The following ATOSA variants were observed in gnomAD, a reference collection of about 807,000 sequenced individuals.
ATOSA encodes the protein atos homolog A.
the ATOSA span, among the ~76,000 whole-genome samples, chr15:52,584,090 G>GAAAAAAAAAAAAAAAA: frequency 4.8e-5 from 2 of 41,876 alleles, no homozygotes; most frequent in African/African-American, 6.7e-5. Context: ...GTCTCAAGAA[G>GAAAAAAAAAAAAAAAA]AAAAAAAAAA....
the ATOSA span, among the ~76,000 whole-genome samples, chr15:52,667,279 T>G: frequency 9.2e-5 from 14 of 152,378 alleles, no homozygotes; most frequent in African/African-American, 3.4e-4. Context: ...TTACATGATC[T>G]AATTTTTTAT....
At chr15:52,702,779 C>CAAA in the ATOSA span, among the ~76,000 whole-genome samples, 1 of 91,908 alleles carries the variant, frequency 1.1e-5, no homozygotes, top group African/African-American at 4.1e-5. Flanking sequence ...AAAGTGTTTC[C>CAAA]AAAAAAAAAA....
chr15:52,675,321 G>T, the ATOSA span, among the ~76,000 whole-genome samples: 3 of 152,074 alleles, frequency 2.0e-5, no homozygotes, highest in Non-Finnish European at 4.4e-5. Flanking sequence ...TATGGAGGCT[G>T]TAGGGAGCAG....
the ATOSA span, among the ~76,000 whole-genome samples, chr15:52,613,475 T>C: frequency 2.0e-5 from 3 of 152,196 alleles, no homozygotes; most frequent in East Asian, 3.8e-4. Flanking sequence ...ATCAGCAGAG[T>C]TACCTGCAAT....
At chr15:52,607,957 T>C in the ATOSA span, among the ~76,000 whole-genome samples, 3 of 152,346 alleles carry the variant, frequency 2.0e-5, no homozygotes, top group East Asian at 1.9e-4. Context: ...CATAGTTCAC[T>C]GCAACCTTCA....
the ATOSA span, among the ~76,000 whole-genome samples, chr15:52,619,513 T>C: frequency 6.6e-6 from 1 of 152,168 alleles, no homozygotes; most frequent in African/African-American, 2.4e-5. Context: ...TAGACAAATA[T>C]GAACTGCTAG....
chr15:52,657,456 T>C, the ATOSA span: 1 of 152,240 alleles, frequency 6.6e-6, no homozygotes, highest in African/African-American at 2.4e-5. Context: ...CCAAGTGATA[T>C]GACTAAACTC....
chr15:52,648,306 A>C, the ATOSA span, among the ~76,000 whole-genome samples: 1 of 152,138 alleles, frequency 6.6e-6, no homozygotes, highest in Admixed American at 6.5e-5. Flanking sequence ...TTATACAGGC[A>C]ATCCACCCAA....
chr15:52,640,369 C>T, the ATOSA span, among the ~76,000 whole-genome samples: 3 of 151,550 alleles, frequency 2.0e-5, no homozygotes, highest in Non-Finnish European at 4.4e-5. Flanking sequence ...AGTTCAAGAA[C>T]AGCCTGGCCA....
At chr15:52,699,228 C>G in the ATOSA span, among the ~76,000 whole-genome samples, 1 of 152,138 alleles carries the variant, frequency 6.6e-6, no homozygotes, top group African/African-American at 2.4e-5. Flanking sequence ...TCTACTTACT[C>G]TCTGCTTTCT....
At chr15:52,600,843 G>T in the ATOSA span, among the ~76,000 whole-genome samples, 1 of 136,528 alleles carries the variant, frequency 7.3e-6, no homozygotes. Context: ...TTAATAACTA[G>T]AAATATATAA....
chr15:52,649,032 C>G, the ATOSA span, among the ~76,000 whole-genome samples: 1 of 152,090 alleles, frequency 6.6e-6, no homozygotes, highest in Non-Finnish European at 1.5e-5. Context: ...TCAAGTAATA[C>G]TGCAAACAAT....
the ATOSA span, among the ~76,000 whole-genome samples, chr15:52,685,271 T>C: frequency 6.6e-6 from 1 of 152,210 alleles, no homozygotes; most frequent in Non-Finnish European, 1.5e-5. Flanking sequence ...AAATGTGTCA[T>C]GTGGCATTTA....
the ATOSA span, among the ~76,000 whole-genome samples, chr15:52,689,515 T>C: frequency 6.6e-6 from 1 of 152,216 alleles, no homozygotes; most frequent in African/African-American, 2.4e-5. Flanking sequence ...CACAAGACAG[T>C]CCCTGGTAAT....
the ATOSA span, among the ~76,000 whole-genome samples, chr15:52,664,660 A>T: frequency 3.3e-5 from 5 of 152,162 alleles, no homozygotes; most frequent in Admixed American, 3.3e-4. Context: ...TACCATCTAG[A>T]GTGTGCGCAT....
At chr15:52,639,581 C>G in the ATOSA span, among the ~76,000 whole-genome samples, 2 of 152,132 alleles carry the variant, frequency 1.3e-5, no homozygotes, top group Non-Finnish European at 2.9e-5. Flanking sequence ...AAGGTCTTAT[C>G]TATAGAAAAT....
At chr15:52,600,325 C>CGG in the ATOSA span, 1 of 738,208 alleles carries the variant, frequency 1.4e-6, no homozygotes, top group Non-Finnish European at 2.2e-6. Flanking sequence ...GTCACCCAGG[C>CGG]GGGAGTACAG....
the ATOSA span, chr15:52,657,297 G>A: frequency 6.6e-6 from 1 of 152,174 alleles, no homozygotes; most frequent in African/African-American, 2.4e-5. Flanking sequence ...AAATCTGGTA[G>A]AGTGACACAG....
chr15:52,665,892 T>C, the ATOSA span, among the ~76,000 whole-genome samples: 1 of 152,064 alleles, frequency 6.6e-6, no homozygotes, highest in African/African-American at 2.4e-5. Context: ...AAATATACCA[T>C]AAGGGAAGAA....
Sources: gnomAD v4.1 joint callset for allele counts (sites outside exome capture counted in the v4.1 genomes callset) on GRCh38, gnomAD v4.1.1 for gene constraint, MANE v1.5 for transcripts, NCBI Gene and HGNC (gene_info 2026-07-23, HGNC 2026-07-21) for gene names.